FHOD1: variants seen among roughly 807,000 people sequenced by gnomAD.
FHOD1 encodes FH1/FH2 domain-containing protein 1.
FHOD1 carries 89 observed loss-of-function variants against 111.6 expected under a neutral mutation model. That is an observed-to-expected ratio of 0.80 (90% confidence interval 0.67 to 0.95). The LOEUF (loss-of-function observed/expected upper bound fraction) is 0.95, where lower values mean the gene tolerates loss of function less well. Among genes scored for constraint, FHOD1 ranks in the 40% least tolerant of loss-of-function variants. FHOD1 has a pLI of 0.00. For missense variants in FHOD1, 1,446 were observed against 1,554.2 expected (o/e 0.93, Z 1.17); for synonymous variants, 618 against 639.0 (o/e 0.97, Z 0.50).
Position 67,237,365 on chromosome 16 carries a change from C to G in FHOD1, c.867G>C (p.Pro289=). The part of the protein sequence containing the change: ...TLINKTLAAL[P]DQDSFYDVTD... ...TCACATCGTAGAAGGAGTCCTGGTC[C>G]GGGAGCGCCGCCAGCGTCTGGAGGG... Residue 289 remains proline, a synonymous_variant, in exon 9 of 22, where the codon CCG becomes CCC. Coordinates refer to ENST00000258201, the MANE Select transcript of FHOD1 (RefSeq NM_013241.3). This position sits in a 1 kb window ranked among gnomAD's most constrained non-coding sequence, Gnocchi z 5.6. The G allele has an allele frequency of 6.2e-7, 1 of 1,613,900 alleles. No homozygotes were observed. Among genetic ancestry groups the G allele is most frequent in the South Asian group, 1.1e-5 (1 of 91,068 alleles).
rs2142262360 is a variant in FHOD1 at position 67,231,055 on chromosome 16, A to G, written c.2667+133T>C. On this transcript the variant is annotated intron_variant, in intron 17 of 21. Coordinates refer to ENST00000258201, the MANE Select transcript of FHOD1 (RefSeq NM_013241.3). This position sits in a 1 kb window ranked among gnomAD's most constrained non-coding sequence, Gnocchi z 4.3. ...GGAAAGAGCATTTCTGGCAGAGGGC[A>G]TAGCTCACACCCAGGTGGCTGGAGC... is the stretch of plus-strand genomic sequence containing the variant. 2 of 1,191,672 alleles carry G rather than the reference A, an allele frequency of 1.7e-6. No homozygotes were observed. Among genetic ancestry groups the G allele is most frequent in the Non-Finnish European group, 1.2e-6 (1 of 848,146 alleles). The allele number at this position is 1,191,672 out of a possible 1,614,324, so 73.8% of individuals were successfully genotyped here.
In FHOD1 at chr16:67,237,133, G is replaced by C; in HGVS notation, c.994-19C>G. 2 of 1,605,142 alleles carry C rather than the reference G, an allele frequency of 1.2e-6. No individual in the cohort carries two copies. The highest frequency in any genetic ancestry group is 1.3e-5 in the African/African-American group (1 of 74,730). ...GGGCGTTCTAGCAGAGGCGGACCAG[G>C]ATGTAAGAAAGTGGTTAACGTGTAT... On this transcript the variant is annotated intron_variant, in intron 9 of 21. Transcript: ENST00000258201. The surrounding 1 kb of genome is among the most constrained non-coding windows in gnomAD (Gnocchi z 5.6).
chr16:67,238,688 A>G lies in FHOD1; in HGVS notation c.373+215T>C, dbSNP rs2034583148. On this transcript the variant is annotated intron_variant, in intron 3 of 21. Coordinates refer to ENST00000258201, the MANE Select transcript of FHOD1 (RefSeq NM_013241.3). The surrounding 1 kb of genome is among the most constrained non-coding windows in gnomAD (Gnocchi z 4.2). Reference sequence around the variant, plus strand: ...CACCTTGACCTCTCAAAGCACTGGCATTGGAGGCATGAGCTACCACGCCTG... The same window carrying G: ...CACCTTGACCTCTCAAAGCACTGGCGTTGGAGGCATGAGCTACCACGCCTG... 3.1e-6 allele frequency: 2 copies of G among 655,298 alleles called. No individual in the cohort carries two copies. The highest frequency in any genetic ancestry group is 4.8e-5 in the Admixed American group (2 of 41,536). 40.6% of individuals were successfully genotyped at this position (655,298 alleles called of 1,614,324 possible). A position where few individuals can be genotyped will look rare whatever the true frequency, so the allele number is the denominator to read the frequency against.
Position 67,237,523 on chromosome 16 carries a change from A to G in FHOD1, c.801T>C (p.Asn267=). The part of the protein sequence containing the change: ...ANLVSILEEK[N]GADPELLVYT... The stretch of plus-strand genomic sequence containing the variant: ...ACACCAACAACTCAGGGTCAGCGCC[A>G]TTCTTCTCCTCCAGGATGGACACCA... The change falls in exon 8 of 22, where the codon AAT becomes AAC. Residue 267 remains asparagine, a synonymous_variant. Coordinates refer to ENST00000258201, the MANE Select transcript of FHOD1 (RefSeq NM_013241.3). The surrounding 1 kb of genome is among the most constrained non-coding windows in gnomAD (Gnocchi z 5.6). The G allele has an allele frequency of 6.2e-7, 1 of 1,614,166 alleles. No homozygotes were observed. The highest frequency in any genetic ancestry group is 8.5e-7 in the Non-Finnish European group (1 of 1,180,036).
chr16:67,233,720 T>C lies in FHOD1; in HGVS notation c.1983A>G (p.Ser661=), dbSNP rs556251934. The C allele has an allele frequency of 6.2e-7, 1 of 1,612,378 alleles. No homozygotes were observed. Among genetic ancestry groups the C allele is most frequent in the African/African-American group, 1.3e-5 (1 of 74,998 alleles). The change falls in exon 13 of 22, where the codon TCA becomes TCG. Residue 661 remains serine (S), a synonymous_variant. Coordinates refer to ENST00000258201, the MANE Select transcript of FHOD1 (RefSeq NM_013241.3). ...ATLWASLDPV[S]VDTARLEHLF... is the part of the protein sequence containing the mutation. ...GGTGTTCCAGTCGGGCCGTGTCCAC[T>C]GAGACAGGGTCCAGTGAAGCCCAGA...
In FHOD1 at chr16:67,231,099, C is replaced by T. The variant is rs1857691904; in HGVS notation, c.2667+89G>A. Reference sequence around the variant, plus strand: ...CTGGAGCAAGCCCTGGCACAGCAGCCCAAATGGGGAGAAGGGGGAGGAGCC... The same window carrying T: ...CTGGAGCAAGCCCTGGCACAGCAGCTCAAATGGGGAGAAGGGGGAGGAGCC... On this transcript the variant is annotated intron_variant, in intron 17 of 21. Coordinates refer to ENST00000258201, the MANE Select transcript of FHOD1 (RefSeq NM_013241.3). This position sits in a 1 kb window ranked among gnomAD's most constrained non-coding sequence, Gnocchi z 4.3. 2.0e-6 allele frequency: 3 copies of T among 1,532,760 alleles called. No individual in the cohort carries two copies. The highest frequency in any genetic ancestry group is 1.2e-5 in the South Asian group (1 of 80,838). 94.9% of individuals were successfully genotyped at this position (1,532,760 alleles called of 1,614,324 possible).
At chr16:67,246,645 G>T (rs2142313852) in intron 1 of FHOD1, among the ~76,000 whole-genome samples, 1 of 152,324 alleles carries the variant, frequency 6.6e-6, no homozygotes, top group Middle Eastern at 3.4e-3. Context: ...TGCGGATCCC[G>T]GGCCAGACCG....
chr16:67,237,847 G>T lies in FHOD1; in HGVS notation c.643-79C>A, dbSNP rs757195233. The T allele has an allele frequency of 1.1e-5, 16 of 1,427,276 alleles. No homozygotes were observed. The highest frequency in any genetic ancestry group is 1.6e-5 in the Non-Finnish European group (16 of 1,013,970). 88.4% of individuals were successfully genotyped at this position (1,427,276 alleles called of 1,614,324 possible). On this transcript the variant is annotated intron_variant, in intron 6 of 21. Transcript: ENST00000258201. The surrounding 1 kb of genome is among the most constrained non-coding windows in gnomAD (Gnocchi z 5.6). The stretch of plus-strand genomic sequence containing the variant: ...CTGTTGCTGGGGAAGGGGAAGGGCT[G>T]CTGGGGCTGGACCCAGAGAGAATCT...
At chr16:67,244,996 G>A (rs2034771110) in intron 1 of FHOD1, among the ~76,000 whole-genome samples, 2 of 152,176 alleles carry the variant, frequency 1.3e-5, no homozygotes, top group African/African-American at 4.8e-5. Flanking sequence ...CCCTTGCTCA[G>A]CTCTCTGATG....
rs767241777 is a variant in FHOD1 at position 67,247,381 on chromosome 16, T to C, written c.30A>G (p.Gly10=). Residue 10 remains glycine, a synonymous_variant, in exon 1 of 22, where the codon GGA becomes GGG. Coordinates refer to ENST00000258201, the MANE Select transcript of FHOD1 (RefSeq NM_013241.3). The part of the protein sequence containing the change: MAGGEDRGD[G]EPVSVVTVRV... ...TCACGGTCACCACTGATACCGGCTCTCCGTCCCCGCGGTCTTCCCCGCCCG... is the reference window on the plus strand; with the variant it reads ...TCACGGTCACCACTGATACCGGCTCCCCGTCCCCGCGGTCTTCCCCGCCCG... 1.2e-5 allele frequency: 19 copies of C among 1,613,166 alleles called. No homozygotes were observed. The highest frequency in any genetic ancestry group is 1.6e-5 in the Non-Finnish European group (19 of 1,179,704).
rs1231378117 is a variant in FHOD1, at chr16:67,230,128, G to T, written c.3152C>A (p.Ala1051Asp). 1 of 1,614,196 alleles carries T rather than the reference G, an allele frequency of 6.2e-7. No homozygotes were observed. Among genetic ancestry groups the T allele is most frequent in the Admixed American group, 1.7e-5 (1 of 60,018 alleles). The change falls in exon 20 of 22, where the codon GCT (alanine) becomes GAT (aspartate). Residue 1051 changes from alanine to aspartate, a missense_variant. Around this residue, in one of 3 missense-constraint regions of FHOD1, gnomAD observed 1,085 missense variants for 1,108.8 expected, o/e 0.98. Coordinates refer to ENST00000258201, the MANE Select transcript of FHOD1 (RefSeq NM_013241.3). ...GPGRGDADSH[A>D]SMKSLLTSRP... ...GCTGGTCAGCAGACTCTTCATACTA[G>T]CATGACTGTCAGCATCTCCCCGGCC... is the stretch of plus-strand genomic sequence containing the variant.
intron 2 of FHOD1, 56 bp from the exon 3 acceptor site, chr16:67,239,023 C>A: frequency 6.3e-7 from 1 of 1,576,902 alleles, no homozygotes; most frequent in Non-Finnish European, 8.7e-7. Context: ...CATTCCTCCC[C>A]ACAAGCCAAG....
chr16:67,243,090 G>A (rs950661669), intron 1 of FHOD1, among the ~76,000 whole-genome samples: 1 of 151,998 alleles, frequency 6.6e-6, no homozygotes, highest in Middle Eastern at 3.4e-3. Context: ...GTGTAATCAG[G>A]TAAGACTGAA....
In FHOD1 at chr16:67,238,416, G is replaced by A; in HGVS notation, c.405C>T (p.Leu135=). 6.2e-7 allele frequency: 1 copy of A among 1,614,130 alleles called. No homozygotes were observed. The highest frequency in any genetic ancestry group is 8.5e-7 in the Non-Finnish European group (1 of 1,180,010). The change falls in exon 4 of 22, where the codon CTC becomes CTT. Residue 135 remains leucine (L), a synonymous_variant. Transcript: ENST00000258201. This position sits in a 1 kb window ranked among gnomAD's most constrained non-coding sequence, Gnocchi z 4.2. ...EKLYSSSGPE[L]RRSLFSLKQI... is the part of the protein sequence containing the mutation. ...GCTTCAGTGAGAAGAGGGAGCGGCGGAGCTCAGGACCACTGGAGCTATACA... is the reference window on the plus strand; with the variant it reads ...GCTTCAGTGAGAAGAGGGAGCGGCGAAGCTCAGGACCACTGGAGCTATACA...
chr16:67,234,481 A>G lies in FHOD1; in HGVS notation c.1320-9T>C. The G allele has an allele frequency of 6.4e-7, 1 of 1,570,750 alleles. No individual in the cohort carries two copies. Among genetic ancestry groups the G allele is most frequent in the Non-Finnish European group, 8.6e-7 (1 of 1,161,010 alleles). ...TCTCCAGGAACCGGGCTCTGAGGGAAGGTGCTTGTCACTGACAGCGTCTGA... is the reference window on the plus strand; with the variant it reads ...TCTCCAGGAACCGGGCTCTGAGGGAGGGTGCTTGTCACTGACAGCGTCTGA... On this transcript the variant is annotated splice_polypyrimidine_tract_variant and intron_variant, in intron 11 of 21. Transcript: ENST00000258201.
At chr16:67,233,323 T>C (rs532080007) in intron 13 of FHOD1, among the ~76,000 whole-genome samples, 5 of 152,180 alleles carry the variant, frequency 3.3e-5, no homozygotes, top group Middle Eastern at 3.4e-3. Context: ...TGACCTCAAA[T>C]GATCCACCTG....
At chr16:67,235,007 A>T (rs2034428710) in intron 11 of FHOD1, among the ~76,000 whole-genome samples, 1 of 151,930 alleles carries the variant, frequency 6.6e-6, no homozygotes, top group Admixed American at 6.6e-5. Context: ...CAGTCCTCCC[A>T]CCTCAGCCTC....
In FHOD1 at chr16:67,237,518, G is replaced by A. The variant is rs533228055; in HGVS notation, c.806C>T (p.Ala269Val). 8.1e-6 allele frequency: 13 copies of A among 1,614,210 alleles called. No individual in the cohort carries two copies. The South Asian group carries it at 1.1e-4, about 14-fold the overall frequency. ...LVSILEEKNG[A>V]DPELLVYTVT... Reference sequence around the variant, plus strand: ...CGTGTACACCAACAACTCAGGGTCAGCGCCATTCTTCTCCTCCAGGATGGA... The same window carrying A: ...CGTGTACACCAACAACTCAGGGTCAACGCCATTCTTCTCCTCCAGGATGGA... The change falls in exon 8 of 22, where the codon GCT becomes GTT. Residue 269 changes from alanine to valine, a missense_variant. By Grantham distance (64) the Ala-to-Val change is moderately conservative (BLOSUM62 0). Around this residue, in one of 3 missense-constraint regions of FHOD1, gnomAD observed 234 missense variants for 327.4 expected, o/e 0.71. Coordinates refer to ENST00000258201, the MANE Select transcript of FHOD1 (RefSeq NM_013241.3). The surrounding 1 kb of genome is among the most constrained non-coding windows in gnomAD (Gnocchi z 5.6).
At position 67,238,390 on chromosome 16, in the gene FHOD1, T is replaced by A; in HGVS notation, c.431A>T (p.Gln144Leu). 6.2e-7 allele frequency: 1 copy of A among 1,614,142 alleles called. No homozygotes were observed. Among genetic ancestry groups the A allele is most frequent in the Non-Finnish European group, 8.5e-7 (1 of 1,180,012 alleles). ...ELRRSLFSLK[Q>L]IFQEDKDLVP... The stretch of plus-strand genomic sequence containing the variant: ...ACTGCGGGGCCTCACCTGGAAGATC[T>A]GCTTCAGTGAGAAGAGGGAGCGGCG... Residue 144 changes from glutamine to leucine, a missense_variant, in exon 4 of 22, where the codon CAG becomes CTG. Transcript: ENST00000258201. The surrounding 1 kb of genome is among the most constrained non-coding windows in gnomAD (Gnocchi z 4.2).
Sources: gnomAD v4.1 joint callset for allele counts (sites outside exome capture counted in the v4.1 genomes callset) on GRCh38, gnomAD v4.1.1 for gene constraint, gnomAD v4.1.1 regional missense constraint, Gnocchi (gnomAD v3.1) non-coding constraint, MANE v1.5 for transcripts, NCBI Gene and HGNC (gene_info 2026-07-23, HGNC 2026-07-21) for gene names.